Variants in DDR2 observed in about 807,000 individuals in gnomAD.
DDR2 encodes discoidin domain-containing receptor 2.
Under a neutral mutation model 94.9 loss-of-function variants are expected in DDR2, and 27 were observed. The ratio of observed to expected loss-of-function variants is 0.28; its 90% confidence interval spans 0.21 to 0.39. The LOEUF is 0.39. Ranked by LOEUF, DDR2 falls within the 10% of genes least tolerant of loss-of-function variation. DDR2 has a pLI of 1.00. For missense variants in DDR2, 783 were observed against 1,076.0 expected (o/e 0.73, Z 3.81); for synonymous variants, 382 against 377.2 (o/e 1.01, Z -0.15).
chr1:162,645,559 C>T (rs537393391), intron 1 of DDR2, among the ~76,000 whole-genome samples: 1 of 152,294 alleles, frequency 6.6e-6, no homozygotes, highest in East Asian at 1.9e-4. Flanking sequence ...TAGTGTGGAA[C>T]TTAAAGATAG....
rs1571177993 is a variant in DDR2 at position 162,673,188 on chromosome 1, G to A, written c.-28+17814G>A. On this transcript the variant is annotated intron_variant, in intron 2 of 17. Coordinates refer to ENST00000367921, the MANE Select transcript of DDR2 (RefSeq NM_006182.4). Reference sequence around the variant, plus strand: ...AGAAAAATTAATACATCATTAAAAAGTTTGTGCACAGAAGAGCCTCTTAGA... The same window carrying A: ...AGAAAAATTAATACATCATTAAAAAATTTGTGCACAGAAGAGCCTCTTAGA... 2.0e-5 allele frequency among the ~76,000 whole-genome samples: 3 copies of A among 152,210 alleles called. No homozygotes were observed. The Middle Eastern group carries it at 0.01, about 518-fold the overall frequency.
intron 9 of DDR2, among the ~76,000 whole-genome samples, chr1:162,762,016 C>A (rs543951124): frequency 6.6e-6 from 1 of 152,152 alleles, no homozygotes; most frequent in Non-Finnish European, 1.5e-5. Context: ...ATCTAACAAC[C>A]TTTATTATTA....
At chr1:162,779,549 T>C (rs1332412054) in intron 17 of DDR2, among the ~76,000 whole-genome samples, 1 of 152,204 alleles carries the variant, frequency 6.6e-6, no homozygotes, top group Non-Finnish European at 1.5e-5. Flanking sequence ...TGACAAGAGA[T>C]AATACATTAT....
At chr1:162,745,594 C>T (rs1194374916) in intron 3 of DDR2, among the ~76,000 whole-genome samples, 1 of 150,648 alleles carries the variant, frequency 6.6e-6, no homozygotes, top group Non-Finnish European at 1.5e-5. Context: ...TTTTTTTGCC[C>T]ATTGTTTATT....
chr1:162,632,143 G>C (rs1656589307), upstream of DDR2: 1 of 152,022 alleles, frequency 6.6e-6, no homozygotes, highest in Non-Finnish European at 1.5e-5. Context: ...GGGATCACAG[G>C]AAGGGGATCA....
At chr1:162,768,368 T>G (rs1319110992) in intron 11 of DDR2, among the ~76,000 whole-genome samples, 2 of 152,172 alleles carry the variant, frequency 1.3e-5, no homozygotes, top group African/African-American at 4.8e-5. Flanking sequence ...AATTAGTTCC[T>G]CTCAATAGAC....
At chr1:162,658,829 A>AAATAAATAAATAAATAAATAAATATAT (rs60623253) in intron 2 of DDR2, among the ~76,000 whole-genome samples, 1 of 133,622 alleles carries the variant, frequency 7.5e-6, no homozygotes, top group Non-Finnish European at 1.6e-5. Flanking sequence ...CCTGTCTCAA[A>AAATAAATAAATAAATAAATAAATATAT]AAATAAATAA....
chr1:162,691,614 A>G (rs1558029654), intron 2 of DDR2, among the ~76,000 whole-genome samples: 1 of 152,222 alleles, frequency 6.6e-6, no homozygotes, highest in Non-Finnish European at 1.5e-5. Flanking sequence ...GGCAAGTACA[A>G]CTGGCTCTGT....
At chr1:162,679,772 T>G (rs982381361) in intron 2 of DDR2, among the ~76,000 whole-genome samples, 1 of 23,504 alleles carries the variant, frequency 4.3e-5, no homozygotes, top group Non-Finnish European at 2.5e-4. Context: ...GATTATGTGT[T>G]TTTTTTTCAA....
chr1:162,779,649 T>A (rs769659808), intron 17 of DDR2, among the ~76,000 whole-genome samples: 2 of 152,192 alleles, frequency 1.3e-5, no homozygotes, highest in African/African-American at 4.8e-5. Context: ...AAATTAGCTA[T>A]CTTGGTTATG....
chr1:162,707,131 A>G (rs1464992668), intron 2 of DDR2, among the ~76,000 whole-genome samples: 1 of 152,164 alleles, frequency 6.6e-6, no homozygotes, highest in African/African-American at 2.4e-5. Context: ...GTATGGGGCT[A>G]GAGAGCCTTC....
At chr1:162,712,427 T>A (rs1660960795) in intron 2 of DDR2, among the ~76,000 whole-genome samples, 1 of 151,862 alleles carries the variant, frequency 6.6e-6, no homozygotes, top group Admixed American at 6.6e-5. Flanking sequence ...ACATTTAACC[T>A]CTCAGACTCT....
In DDR2 at chr1:162,729,298, ATATTTTTT is replaced by A. The variant is rs1274794503; in HGVS notation, c.82+10155_82+10162del. ...TATCCATTTATATATATATATATATATATTTTTTTTTTTTTTTTTTTTCCTTGGGAGAA... is the reference window on the plus strand; with the variant it reads ...TATCCATTTATATATATATATATATATTTTTTTTTTTTTTCCTTGGGAGAA... On this transcript the variant is annotated intron_variant, in intron 3 of 17. Transcript: ENST00000367921. 2.0e-3 allele frequency among the ~76,000 whole-genome samples: 69 copies of A among 34,462 alleles called. 1 individual carries two copies. The highest frequency in any genetic ancestry group is 4.3e-3 in the African/African-American group (63 of 14,518). 22.6% of individuals were successfully genotyped at this position (34,462 alleles called of 152,430 possible). A position where few individuals can be genotyped will look rare whatever the true frequency, so the allele number is the denominator to read the frequency against.
rs139092779 is a variant in DDR2, at chr1:162,776,183, A to T, written c.2096A>T (p.Lys699Met). The change falls in exon 16 of 18, where the codon AAG becomes ATG. Residue 699 changes from lysine (K) to methionine (M), a missense_variant. Physicochemically the swap from Lys to Met is moderately conservative, Grantham distance 95. Around this residue, in one of 2 missense-constraint regions of DDR2, gnomAD observed 264 missense variants for 428.2 expected, o/e 0.62. Transcript: ENST00000367921. Reference protein sequence around the residue: ...FMATQIASGMKYLSSLNFVHR... With the variant: ...FMATQIASGMMYLSSLNFVHR... ...GCTACCCAAATTGCCTCTGGCATGA[A>T]GTACCTTTCCTCTCTTAATTTTGTT... 8.1e-6 allele frequency: 13 copies of T among 1,613,972 alleles called. No homozygotes were observed. In the African/African-American group the frequency reaches 1.6e-4, roughly 20 times the overall value.
chr1:162,759,690 C>T, intron 7 of DDR2, 106 bp from the exon 8 acceptor site: 3 of 1,275,782 alleles, frequency 2.4e-6, no homozygotes, highest in Non-Finnish European at 2.2e-6. Flanking sequence ...AGATAATAAG[C>T]TCATACAAAA....
chr1:162,645,086 T>C (rs532414435), intron 1 of DDR2, among the ~76,000 whole-genome samples: 18 of 152,200 alleles, frequency 1.2e-4, no homozygotes, highest in Non-Finnish European at 2.2e-4. Flanking sequence ...ACAGGCATAC[T>C]GCAGGGGTGG....
intron 2 of DDR2, among the ~76,000 whole-genome samples, chr1:162,712,399 A>G (rs1487979399): frequency 6.6e-6 from 1 of 151,880 alleles, no homozygotes; most frequent in East Asian, 1.9e-4. Context: ...TCACCCAAGT[A>G]CAGAGATAAT....
At chr1:162,646,957 T>G (rs991944813) in intron 1 of DDR2, among the ~76,000 whole-genome samples, 3 of 152,204 alleles carry the variant, frequency 2.0e-5, no homozygotes, top group Non-Finnish European at 4.4e-5. Context: ...AATCCATCCT[T>G]GTACCTCAAG....
At chr1:162,655,085 A>G (rs1054536659) in intron 1 of DDR2, 126 bp from the exon 2 acceptor site, 3 of 152,140 alleles carry the variant, frequency 2.0e-5, no homozygotes, top group Non-Finnish European at 4.4e-5. Flanking sequence ...GATACATCCA[A>G]TTCCTTTAGT....
Sources: gnomAD v4.1 joint callset for allele counts (sites outside exome capture counted in the v4.1 genomes callset) on GRCh38, gnomAD v4.1.1 for gene constraint, gnomAD v4.1.1 regional missense constraint, MANE v1.5 for transcripts, NCBI Gene and HGNC (gene_info 2026-07-23, HGNC 2026-07-21) for gene names.